The following FMN1 variants were observed in gnomAD, a reference collection of about 807,000 sequenced individuals.
FMN1 encodes the protein formin 1, also known as formin-1.
A neutral mutation model predicts 132.4 loss-of-function variants in FMN1; 110 were observed. That is an observed-to-expected ratio of 0.83 (90% confidence interval 0.71 to 0.97). The LOEUF (loss-of-function observed/expected upper bound fraction) is 0.97. FMN1 is among the 50% of genes least tolerant of loss of function. The pLI, the probability that FMN1 is intolerant of heterozygous loss-of-function variation, is 0.00. For missense variants in FMN1, 1,792 were observed against 1,705.3 expected (o/e 1.05, Z -0.90); for synonymous variants, 722 against 651.7 (o/e 1.11, Z -1.64).
chr15:33,182,733 C>T (rs1273571112), intron 2 of FMN1, among the ~76,000 whole-genome samples: 2 of 152,136 alleles, frequency 1.3e-5, no homozygotes, highest in Non-Finnish European at 2.9e-5. Flanking sequence ...TGGATGAATT[C>T]CTATGTGTTC....
chr15:33,187,802 A>G (rs1360386778), intron 2 of FMN1, among the ~76,000 whole-genome samples: 1 of 152,226 alleles, frequency 6.6e-6, no homozygotes, highest in Non-Finnish European at 1.5e-5. Flanking sequence ...CCACTTTTCC[A>G]GAAAGAAAAG....
chr15:33,008,216 A>G (rs2034520091), intron 6 of FMN1, 141 bp from the exon 7 acceptor site: 1 of 691,350 alleles, frequency 1.4e-6, no homozygotes, highest in Non-Finnish European at 2.4e-6. Context: ...TAAAAATTAC[A>G]GAAAGATAGG....
chr15:32,852,279 C>T (rs970668528), intron 17 of FMN1, among the ~76,000 whole-genome samples: 2 of 152,210 alleles, frequency 1.3e-5, no homozygotes, highest in African/African-American at 4.8e-5. Context: ...CTATTCTCCT[C>T]TGTTTCATTT....
chr15:32,891,139 C>T (rs1278604022), intron 15 of FMN1, among the ~76,000 whole-genome samples: 2 of 152,172 alleles, frequency 1.3e-5, no homozygotes, highest in African/African-American at 2.4e-5. Context: ...TGGTGACTGA[C>T]TATGGCCTTA....
chr15:33,012,407 C>A, intron 6 of FMN1: 1 of 912,940 alleles, frequency 1.1e-6, no homozygotes, highest in Non-Finnish European at 1.8e-6. Context: ...TCTCAAAGAC[C>A]AGGTGCCCAC....
chr15:33,160,367 A>G (rs1311066676), intron 3 of FMN1, among the ~76,000 whole-genome samples: 1 of 152,218 alleles, frequency 6.6e-6, no homozygotes, highest in Non-Finnish European at 1.5e-5. Context: ...TGTTTCAACA[A>G]AAAAGGATCT....
At chr15:33,022,569 C>CA (rs1451736311) in intron 6 of FMN1, among the ~76,000 whole-genome samples, 1 of 152,134 alleles carries the variant, frequency 6.6e-6, no homozygotes, top group East Asian at 1.9e-4. Context: ...GCCTATGTAA[C>CA]AATGAAAATT....
At chr15:33,087,006 C>T (rs892462369) in intron 5 of FMN1, among the ~76,000 whole-genome samples, 3 of 152,078 alleles carry the variant, frequency 2.0e-5, no homozygotes, top group Non-Finnish European at 2.9e-5. Flanking sequence ...AGTAATGAGC[C>T]GGAGAACACA....
At chr15:33,110,806 TAAG>T (rs1242990191) in intron 4 of FMN1, among the ~76,000 whole-genome samples, 1 of 152,068 alleles carries the variant, frequency 6.6e-6, no homozygotes. Context: ...AAAACAAAAA[TAAG>T]AACAACTTGT....
At chr15:32,960,241 A>G (rs906163040) in intron 9 of FMN1, among the ~76,000 whole-genome samples, 5 of 152,102 alleles carry the variant, frequency 3.3e-5, no homozygotes, top group African/African-American at 1.2e-4. Context: ...CAGGAGAGAG[A>G]GGGTGGGGTG....
Position 33,153,532 on chromosome 15 carries a change from C to G in FMN1, c.1383G>C (p.Gly461=). 1 of 1,536,318 alleles carries G rather than the reference C, an allele frequency of 6.5e-7. No individual in the cohort carries two copies. The highest frequency in any genetic ancestry group is 2.4e-5 in the East Asian group (1 of 40,914). ...AGGACTTGTGGCCACCAAGGGGCAA[C>G]CCGGCTCTCCTCTTGTTTCTCGTTT... ...RPETRNKRRA[G]LPLGGHKSLF... The change falls in exon 4 of 21, where the codon GGG becomes GGC. Residue 461 remains glycine (G), a synonymous_variant. Coordinates refer to ENST00000616417, the MANE Select transcript of FMN1 (RefSeq NM_001277313.2).
intron 7 of FMN1, among the ~76,000 whole-genome samples, chr15:32,995,138 AATAATACTTC>A (rs890283512): frequency 2.1e-4 from 32 of 152,098 alleles, no homozygotes; most frequent in African/African-American, 7.5e-4. Context: ...CACATTTCTT[AATAATACTTC>A]AAATTATGTT....
chr15:33,066,530 C>T (rs763394475), intron 5 of FMN1: 2 of 1,560,266 alleles, frequency 1.3e-6, no homozygotes, highest in Non-Finnish European at 8.7e-7. Flanking sequence ...ATCAGAGGGG[C>T]CATCCGCTGG....
chr15:32,885,957 C>T (rs1213921684), intron 16 of FMN1, among the ~76,000 whole-genome samples: 2 of 152,226 alleles, frequency 1.3e-5, no homozygotes, highest in East Asian at 1.9e-4. Flanking sequence ...AACCTCAAAG[C>T]CTCATCAAAT....
chr15:33,035,561 C>T (rs2036151639), intron 6 of FMN1, among the ~76,000 whole-genome samples: 1 of 152,104 alleles, frequency 6.6e-6, no homozygotes, highest in African/African-American at 2.4e-5. Context: ...TTCCCTTTTC[C>T]TACATTCCCT....
chr15:33,013,960 TAAC>T (rs1334062463), intron 6 of FMN1, among the ~76,000 whole-genome samples: 1 of 152,214 alleles, frequency 6.6e-6, no homozygotes, highest in Non-Finnish European at 1.5e-5. Context: ...ACTAATTCAT[TAAC>T]AAACCGATGA....
At chr15:32,879,521 CCATT>C (rs1464876035) in intron 16 of FMN1, among the ~76,000 whole-genome samples, 6 of 152,178 alleles carry the variant, frequency 3.9e-5, no homozygotes, top group African/African-American at 1.4e-4. Flanking sequence ...ACACCAGCAT[CCATT>C]GAGTAAAGTG....
At chr15:33,094,066 CCAGA>C (rs2038993568) in intron 4 of FMN1, among the ~76,000 whole-genome samples, 1 of 151,652 alleles carries the variant, frequency 6.6e-6, no homozygotes, top group Non-Finnish European at 1.5e-5. Flanking sequence ...TTGCCAGTCT[CCAGA>C]TGAGAATATT....
chr15:33,139,410 C>A (rs1348359173), intron 4 of FMN1, among the ~76,000 whole-genome samples: 1 of 151,644 alleles, frequency 6.6e-6, no homozygotes, highest in African/African-American at 2.4e-5. Flanking sequence ...TCCAGGCTAA[C>A]ACAGTGAAAC....
Sources: gnomAD v4.1 joint callset for allele counts (sites outside exome capture counted in the v4.1 genomes callset) on GRCh38, gnomAD v4.1.1 for gene constraint, MANE v1.5 for transcripts, NCBI Gene and HGNC (gene_info 2026-07-23, HGNC 2026-07-21) for gene names.